ADGRL2: variants seen among roughly 807,000 people sequenced by gnomAD.
The protein encoded by ADGRL2 is calcium-independent alpha-latrotoxin receptor 2.
ADGRL2 carries 44 observed loss-of-function variants against 157.4 expected under a neutral mutation model. The observed-to-expected ratio is 0.28, with a 90% confidence interval of 0.22 to 0.36. The LOEUF (loss-of-function observed/expected upper bound fraction) is 0.36. ADGRL2 is among the 10% of genes least tolerant of loss of function. The pLI is 1.00. For missense variants in ADGRL2, 1,510 were observed against 1,768.9 expected, an observed-to-expected ratio of 0.85 and a Z score of 2.63; for synonymous variants, 585 against 624.7, an observed-to-expected ratio of 0.94 and a Z score of 0.95.
Position 81,402,486 on chromosome 1 carries a change from G to A in ADGRL2, c.-301-42550G>A, listed in dbSNP as rs79468510. Among the ~76,000 whole-genome samples, 580 of 151,998 alleles carry A rather than the reference G, an allele frequency of 3.8e-3. 25 individuals are homozygous for A. In the East Asian group the frequency reaches 0.089, roughly 23 times the overall value. On this transcript the variant is annotated intron_variant, in intron 1 of 24. Transcript: ENST00000370721. ...TGCTACTGCTGCCATCAACCCTCTC[G>A]GTATACATTATTCTAACCTATAGGT...
intron 2 of ADGRL2, among the ~76,000 whole-genome samples, chr1:81,482,811 T>C (rs2078417695): frequency 6.6e-6 from 1 of 151,374 alleles, no homozygotes; most frequent in South Asian, 2.1e-4. Context: ...TTACATTATA[T>C]ATATGTTTTA....
At chr1:81,341,442 C>G (rs1018750323) in intron 1 of ADGRL2, among the ~76,000 whole-genome samples, 1 of 132,316 alleles carries the variant, frequency 7.6e-6, no homozygotes, top group African/African-American at 3.0e-5. Context: ...TTTCAGAAAA[C>G]TGTGATTTTT....
At chr1:81,332,660 C>G (rs72713426) in intron 1 of ADGRL2, among the ~76,000 whole-genome samples, 3,934 of 152,222 alleles carry the variant, frequency 0.026, 58 homozygotes, top group Middle Eastern at 0.041. Flanking sequence ...TTGGACTCCT[C>G]TGAGGAAACA....
At chr1:81,822,188 T>G in intron 1 of ADGRL2, among the ~76,000 whole-genome samples, 1 of 151,840 alleles carries the variant, frequency 6.6e-6, no homozygotes. Context: ...TGATTTTAAT[T>G]TTTACATTCT....
chr1:81,692,728 G>A (rs184005690), intron 3 of ADGRL2, among the ~76,000 whole-genome samples: 35 of 152,254 alleles, frequency 2.3e-4, no homozygotes, highest in Middle Eastern at 6.8e-3. Flanking sequence ...AGTTAAATCA[G>A]GTGTTGTAGA....
chr1:81,821,173 A>T (rs2090956190), intron 1 of ADGRL2, among the ~76,000 whole-genome samples: 1 of 152,214 alleles, frequency 6.6e-6, no homozygotes, highest in Non-Finnish European at 1.5e-5. Flanking sequence ...GACATCCTTA[A>T]AAAGACATTT....
chr1:81,618,428 A>G (rs757953639), intron 3 of ADGRL2, among the ~76,000 whole-genome samples: 27 of 152,198 alleles, frequency 1.8e-4, no homozygotes, highest in Non-Finnish European at 3.1e-4. Context: ...AATGTCACCA[A>G]ATTTTTTACA....
At chr1:81,821,772 A>G (rs1262152600) in intron 1 of ADGRL2, among the ~76,000 whole-genome samples, 1 of 152,148 alleles carries the variant, frequency 6.6e-6, no homozygotes, top group Non-Finnish European at 1.5e-5. Flanking sequence ...AACATATACT[A>G]TTTACACAGT....
intron 2 of ADGRL2, among the ~76,000 whole-genome samples, chr1:81,469,017 T>A (rs1469638145): frequency 6.6e-6 from 1 of 152,150 alleles, no homozygotes; most frequent in Non-Finnish European, 1.5e-5. Context: ...ATGACTTCTG[T>A]CCTTTTTTGA....
At chr1:81,826,109 T>C (rs1203315724) in intron 1 of ADGRL2, among the ~76,000 whole-genome samples, 1 of 152,202 alleles carries the variant, frequency 6.6e-6, no homozygotes, top group African/African-American at 2.4e-5. Context: ...GGATTTTTGG[T>C]TTCAAAACTA....
At chr1:81,534,953 A>G (rs981894355) in intron 2 of ADGRL2, among the ~76,000 whole-genome samples, 81 of 152,176 alleles carry the variant, frequency 5.3e-4, no homozygotes, top group Non-Finnish European at 5.7e-4. Context: ...GATGACAAGA[A>G]CATCCATTTA....
At chr1:81,820,330 C>G (rs1395222594) in intron 1 of ADGRL2, among the ~76,000 whole-genome samples, 1 of 152,136 alleles carries the variant, frequency 6.6e-6, no homozygotes, top group African/African-American at 2.4e-5. Context: ...TGTTATAACA[C>G]TGAGTTGTGT....
chr1:81,758,502 A>G (rs1464774157), intron 1 of ADGRL2, among the ~76,000 whole-genome samples: 1 of 152,168 alleles, frequency 6.6e-6, no homozygotes, highest in Non-Finnish European at 1.5e-5. Context: ...GTTTCTCCAG[A>G]GTAGGATTTG....
At chr1:81,636,003 A>G (rs2082107896) in intron 3 of ADGRL2, among the ~76,000 whole-genome samples, 1 of 152,144 alleles carries the variant, frequency 6.6e-6, no homozygotes, top group Non-Finnish European at 1.5e-5. Flanking sequence ...GAGACACAAC[A>G]TTGTAAGAAT....
chr1:81,969,293 A>T lies in ADGRL2; in HGVS notation c.2639A>T (p.Gln880Leu). Residue 880 changes from glutamine to leucine, a missense_variant, in exon 15 of 24, where the codon CAG (glutamine) becomes CTG (leucine). By Grantham distance (113) the Gln-to-Leu change is moderately radical. This residue lies in a region of ADGRL2 where 497 missense variants were observed against 627.2 expected (regional missense o/e 0.79). Transcript: ENST00000686636. ...IFTFCFFRGL[Q>L]SDRNTIHKNL... The stretch of plus-strand genomic sequence containing the variant: ...ACCTTCTGCTTTTTCCGTGGCCTAC[A>T]GAGTGACCGAAATACTATTCACAAG... 6.2e-7 allele frequency: 1 copy of T among 1,614,016 alleles called. No individual in the cohort carries two copies. The highest frequency in any genetic ancestry group is 8.5e-7 in the Non-Finnish European group (1 of 1,179,898).
At chr1:81,655,207 A>C (rs1056412356) in intron 3 of ADGRL2, among the ~76,000 whole-genome samples, 2 of 152,156 alleles carry the variant, frequency 1.3e-5, no homozygotes, top group Admixed American at 1.3e-4. Flanking sequence ...TCACTGTGTT[A>C]GCCAGGATGA....
intron 3 of ADGRL2, among the ~76,000 whole-genome samples, chr1:81,655,010 G>A (rs558058670): frequency 2.5e-4 from 38 of 152,190 alleles, no homozygotes; most frequent in African/African-American, 7.5e-4. Flanking sequence ...GTGCAGTGGC[G>A]TGATCTCACC....
intron 2 of ADGRL2, among the ~76,000 whole-genome samples, chr1:81,891,712 T>A (rs1457540353): frequency 3.3e-5 from 5 of 152,118 alleles, no homozygotes; most frequent in Non-Finnish European, 5.9e-5. Flanking sequence ...ACAGCTGATC[T>A]TTTTTTGCTC....
chr1:81,661,694 C>T (rs973884531), intron 3 of ADGRL2, among the ~76,000 whole-genome samples: 1 of 152,124 alleles, frequency 6.6e-6, no homozygotes, highest in Non-Finnish European at 1.5e-5. Flanking sequence ...CTCAGTTTGC[C>T]GTGGATGGTT....
Sources: allele counts gnomAD v4.1 joint callset (sites outside exome capture counted in the v4.1 genomes callset), GRCh38; gene constraint gnomAD v4.1.1; regional missense constraint gnomAD v4.1.1; transcripts MANE v1.5; gene names NCBI Gene and HGNC (gene_info 2026-07-23, HGNC 2026-07-21).